Variants in SPATS2L observed in about 807,000 individuals in gnomAD.
The protein encoded by SPATS2L is SPATS2-like protein.
Under a neutral mutation model 59.6 loss-of-function variants are expected in SPATS2L, and 30 were observed. The ratio of observed to expected loss-of-function variants is 0.50; its 90% CI spans 0.38 to 0.68. SPATS2L has a LOEUF of 0.68. Ranked by LOEUF, SPATS2L falls within the 30% of genes least tolerant of loss-of-function variation. The probability of loss-of-function intolerance (pLI) is 0.00; values close to 1 mark genes in which losing one functional copy is unlikely to be tolerated. For synonymous variants in SPATS2L, 252 were observed against 263.5 expected (o/e 0.96, Z 0.42); for missense variants, 615 against 700.0 (o/e 0.88, Z 1.37).
chr2:200,422,013 C>T (rs559487197), intron 6 of SPATS2L, among the ~76,000 whole-genome samples: 2 of 152,268 alleles, frequency 1.3e-5, no homozygotes, highest in East Asian at 3.9e-4. Context: ...GAAGTGCCTC[C>T]CTTCCCAGTG....
At position 200,456,897 on chromosome 2, in the gene SPATS2L, G is replaced by A. The variant is rs538953320; in HGVS notation, c.789-2872G>A. On this transcript the variant is annotated intron_variant, in intron 8 of 12. Transcript: ENST00000409140. ...ATCCTAATTGCTTCTTCTTGCCATC[G>A]TCATTTTCTTTCCTCTCTATCTGCT... Among the ~76,000 whole-genome samples the A allele has an allele frequency of 2.8e-4, 43 of 152,206 alleles. No individual in the cohort carries two copies. In the South Asian group the frequency reaches 7.5e-3, roughly 26 times the overall value.
Position 200,412,328 on chromosome 2 carries a change from A to G in SPATS2L, c.57A>G (p.Ser19=). The G allele has an allele frequency of 1.3e-6, 2 of 1,590,310 alleles. No individual in the cohort carries two copies. The highest frequency in any genetic ancestry group is 8.6e-7 in the Non-Finnish European group (1 of 1,165,260). Residue 19 remains serine (S), a synonymous_variant, in exon 4 of 13, where the codon TCA becomes TCG. Transcript: ENST00000409140. ...NVKEKIYAVR[S]VVPNKSNNEI... is the part of the protein sequence containing the mutation. ...CTTTACAGATCTATGCAGTTAGATC[A>G]GTTGTTCCCAACAAAAGCAATAATG...
Position 200,339,793 on chromosome 2 carries a change from G to A in SPATS2L, c.-23+10313G>A, listed in dbSNP as rs995166276. On this transcript the variant is annotated intron_variant, in intron 2 of 12. Transcript: ENST00000409140. ...TATAATTTTTTACAAAGTTTAAAGT[G>A]CAATACAAATGTAATTATGTTACTG... 3.9e-5 allele frequency among the ~76,000 whole-genome samples: 6 copies of A among 152,156 alleles called. No individual in the cohort carries two copies. In the East Asian group the frequency reaches 1.2e-3, roughly 29 times the overall value.
In SPATS2L at chr2:200,342,836, A is replaced by G. The variant is rs2080378927; in HGVS notation, c.-23+13356A>G. 2.0e-5 allele frequency among the ~76,000 whole-genome samples: 3 copies of G among 152,242 alleles called. No individual in the cohort carries two copies. The East Asian group carries it at 5.8e-4, about 29-fold the overall frequency. ...TAGCATGTGGTTATGATAGAAGAAT[A>G]TCCTTATGTTAGGAAAGAAATTGGC... is the stretch of plus-strand genomic sequence containing the variant. On this transcript the variant is annotated intron_variant, in intron 2 of 12. Transcript: ENST00000409140.
At position 200,339,143 on chromosome 2, in the gene SPATS2L, A is replaced by T. The variant is rs572764816; in HGVS notation, c.-23+9663A>T. ...ATGTGAACTGTTGACTCGCAACAAC[A>T]CATGTTATTATTGTATATAGGGCAA... On this transcript the variant is annotated intron_variant, in intron 2 of 12. Transcript: ENST00000409140. 9.2e-5 allele frequency among the ~76,000 whole-genome samples: 14 copies of T among 152,382 alleles called. No individual in the cohort carries two copies. The South Asian group carries it at 1.4e-3, about 16-fold the overall frequency.
chr2:200,350,594 G>A (rs975868584), intron 2 of SPATS2L, among the ~76,000 whole-genome samples: 9 of 152,054 alleles, frequency 5.9e-5, no homozygotes, highest in African/African-American at 9.7e-5. Context: ...TGGCACGATC[G>A]TTCACTGCAG....
At chr2:200,400,461 CGT>C (rs2082490174) in intron 3 of SPATS2L, among the ~76,000 whole-genome samples, 1 of 152,078 alleles carries the variant, frequency 6.6e-6, no homozygotes, top group Non-Finnish European at 1.5e-5. Context: ...CTTGTTTAAA[CGT>C]AGATCAAAGA....
intron 8 of SPATS2L, among the ~76,000 whole-genome samples, chr2:200,447,870 G>A (rs1227643765): frequency 6.6e-6 from 1 of 152,178 alleles, no homozygotes; most frequent in Non-Finnish European, 1.5e-5. Flanking sequence ...TAATTATCAG[G>A]AATGTGTTAA....
At chr2:200,362,804 A>G (rs2081151118) in intron 2 of SPATS2L, among the ~76,000 whole-genome samples, 1 of 152,190 alleles carries the variant, frequency 6.6e-6, no homozygotes, top group Non-Finnish European at 1.5e-5. Flanking sequence ...GATATAAAGA[A>G]GGAGAAAATC....
chr2:200,433,918 G>C (rs910535108), intron 6 of SPATS2L, among the ~76,000 whole-genome samples: 1 of 151,908 alleles, frequency 6.6e-6, no homozygotes, highest in African/African-American at 2.4e-5. Context: ...AAAATAGAAA[G>C]AAGGAATACT....
intron 2 of SPATS2L, chr2:200,383,917 A>C (rs2081907198): frequency 2.0e-6 from 2 of 1,001,720 alleles, no homozygotes; most frequent in Non-Finnish European, 1.2e-6. Context: ...ACCTAAGAGC[A>C]TTAATGGGTT....
chr2:200,416,314 G>T, intron 4 of SPATS2L, 65 bp from the exon 5 acceptor site: 1 of 764,574 alleles, frequency 1.3e-6, no homozygotes, highest in South Asian at 3.5e-5. Context: ...TGGAAAGACA[G>T]AGATGAATTT....
intron 2 of SPATS2L, among the ~76,000 whole-genome samples, chr2:200,375,205 C>T (rs1559077885): frequency 6.6e-6 from 1 of 152,152 alleles, no homozygotes; most frequent in East Asian, 1.9e-4. Flanking sequence ...CCTCTCTGTG[C>T]TGGAGTTACG....
intron 1 of SPATS2L, chr2:200,308,788 T>C: frequency 2.4e-6 from 1 of 420,538 alleles, no homozygotes; most frequent in African/African-American, 2.0e-5. Context: ...CTTTAATCCC[T>C]GAAAATATTA....
rs185318437 is a variant in SPATS2L at position 200,376,469 on chromosome 2, G to T, written c.-22-12754G>T. 2.0e-5 allele frequency among the ~76,000 whole-genome samples: 3 copies of T among 152,312 alleles called. No homozygotes were observed. In the East Asian group the frequency reaches 5.8e-4, roughly 29 times the overall value. On this transcript the variant is annotated intron_variant, in intron 2 of 12. Coordinates refer to ENST00000409140, the MANE Select transcript of SPATS2L (RefSeq NM_001100423.2). ...TGTTGATACAATTACCTGAAATCATGTATGGAAAGAGGTTTAGTAATTTTT... is the reference window on the plus strand; with the variant it reads ...TGTTGATACAATTACCTGAAATCATTTATGGAAAGAGGTTTAGTAATTTTT...
chr2:200,348,426 T>C (rs144356505), intron 2 of SPATS2L, among the ~76,000 whole-genome samples: 1 of 152,228 alleles, frequency 6.6e-6, no homozygotes, highest in Non-Finnish European at 1.5e-5. Context: ...AAGCCAGTAT[T>C]GATTTTCCAG....
chr2:200,419,378 T>G lies in SPATS2L; in HGVS notation c.327T>G (p.Asn109Lys), dbSNP rs766190710. The change falls in exon 6 of 13, where the codon AAT becomes AAG. Residue 109 changes from asparagine (N) to lysine (K), a missense_variant. This residue lies in a region of SPATS2L where 227 missense variants were observed against 257.4 expected (regional missense o/e 0.88). Coordinates refer to ENST00000409140, the MANE Select transcript of SPATS2L (RefSeq NM_001100423.2). ...CACAGATTCAAAACGGCCCCATGAA[T>G]GGCTGCGAGAAGGACAGCTCGTCCA... is the stretch of plus-strand genomic sequence containing the variant. ...QPPQIQNGPM[N>K]GCEKDSSSTD... The G allele has an allele frequency of 3.1e-6, 5 of 1,612,962 alleles. 1 individual carries two copies. The East Asian group carries it at 1.1e-4, about 36-fold the overall frequency.
intron 9 of SPATS2L, 141 bp from the exon 10 acceptor site, chr2:200,467,149 G>A (rs543505632): frequency 6.3e-6 from 4 of 630,528 alleles, no homozygotes; most frequent in East Asian, 5.6e-5. Context: ...GGGTGAACCC[G>A]CCTCCATGAC....
intron 2 of SPATS2L, among the ~76,000 whole-genome samples, chr2:200,379,842 A>C (rs1361014438): frequency 6.6e-6 from 1 of 152,196 alleles, no homozygotes; most frequent in South Asian, 2.1e-4. Context: ...GAGGATGGGC[A>C]TATTTTAAAG....
Sources: allele counts gnomAD v4.1 joint callset (sites outside exome capture counted in the v4.1 genomes callset), GRCh38; gene constraint gnomAD v4.1.1; regional missense constraint gnomAD v4.1.1; transcripts MANE v1.5; gene names NCBI Gene and HGNC (gene_info 2026-07-23, HGNC 2026-07-21).